Variants in SORCS1 observed in about 807,000 individuals in gnomAD.
The protein encoded by SORCS1 is sortilin related VPS10 domain containing receptor 1.
SORCS1 carries 60 observed loss-of-function variants against 146.1 expected under a neutral mutation model. The ratio of observed to expected loss-of-function variants is 0.41; its 90% CI spans 0.33 to 0.51. The LOEUF is 0.51. Ranked by LOEUF, SORCS1 falls within the 20% of genes least tolerant of loss-of-function variation. The probability of loss-of-function intolerance (pLI) is 0.21; values close to 1 mark genes in which losing one functional copy is unlikely to be tolerated. For synonymous variants in SORCS1, 637 were observed against 584.0 expected (o/e 1.09, Z -1.31); for missense variants, 1,352 against 1,487.6 (o/e 0.91, Z 1.50).
At chr10:107,076,107 G>C (rs1385269717) in intron 1 of SORCS1, among the ~76,000 whole-genome samples, 2 of 152,058 alleles carry the variant, frequency 1.3e-5, no homozygotes, top group Admixed American at 1.3e-4. Context: ...CAGATCATGG[G>C]CTTCTGAGAG....
At chr10:106,880,994 G>C (rs757145136) in intron 2 of SORCS1, among the ~76,000 whole-genome samples, 33 of 149,048 alleles carry the variant, frequency 2.2e-4, no homozygotes, top group Admixed American at 1.4e-3. Flanking sequence ...GGAGAATGGC[G>C]TGAACCCAGG....
At chr10:106,687,793 G>C (rs762910955) in intron 10 of SORCS1, among the ~76,000 whole-genome samples, 1 of 152,098 alleles carries the variant, frequency 6.6e-6, no homozygotes, top group Admixed American at 6.5e-5. Context: ...ACACCTACAC[G>C]ACTCTGCATT....
intron 1 of SORCS1, among the ~76,000 whole-genome samples, chr10:107,149,345 T>C (rs1417710730): frequency 6.6e-6 from 1 of 152,074 alleles, no homozygotes; most frequent in Non-Finnish European, 1.5e-5. Flanking sequence ...AACACTGGAG[T>C]GGAATATTCT....
chr10:107,075,694 T>A (rs1363465340), intron 1 of SORCS1, among the ~76,000 whole-genome samples: 1 of 152,146 alleles, frequency 6.6e-6, no homozygotes, highest in East Asian at 1.9e-4. Context: ...AATAAATTTT[T>A]AAAAATATAT....
the SORCS1 span, among the ~76,000 whole-genome samples, chr10:107,180,078 A>G: frequency 2.0e-5 from 3 of 151,532 alleles, no homozygotes; most frequent in Non-Finnish European, 4.4e-5. Context: ...CACCATGCCT[A>G]TCTAACTTGT....
intron 1 of SORCS1, among the ~76,000 whole-genome samples, chr10:106,989,546 T>G (rs1445034150): frequency 6.6e-6 from 1 of 151,968 alleles, no homozygotes; most frequent in Non-Finnish European, 1.5e-5. Flanking sequence ...CTAATCCTCA[T>G]CCTCTCCCCC....
At chr10:107,078,609 T>C (rs1963079294) in intron 1 of SORCS1, among the ~76,000 whole-genome samples, 1 of 152,214 alleles carries the variant, frequency 6.6e-6, no homozygotes, top group Admixed American at 6.5e-5. Context: ...GTATCAGATC[T>C]TCTTTTCATT....
At chr10:107,093,149 G>T (rs2134323596) in intron 1 of SORCS1, among the ~76,000 whole-genome samples, 2 of 152,256 alleles carry the variant, frequency 1.3e-5, no homozygotes, top group Middle Eastern at 3.4e-3. Flanking sequence ...TGACTGCAGA[G>T]CCATGATTTT....
At chr10:106,971,713 T>A (rs1955794053) in intron 1 of SORCS1, among the ~76,000 whole-genome samples, 1 of 152,250 alleles carries the variant, frequency 6.6e-6, no homozygotes, top group African/African-American at 2.4e-5. Context: ...TTAGCTTTCA[T>A]GCACAGCTCT....
chr10:107,175,594 C>G, the SORCS1 span, among the ~76,000 whole-genome samples: 3 of 152,194 alleles, frequency 2.0e-5, no homozygotes, highest in East Asian at 1.9e-4. Context: ...TGCCACCATG[C>G]CTGGCTAATG....
chr10:107,153,370 T>G, intron 1 of SORCS1, among the ~76,000 whole-genome samples: 1 of 152,210 alleles, frequency 6.6e-6, no homozygotes, highest in East Asian at 1.9e-4. Context: ...ATTATGTATA[T>G]ATTTATATGT....
chr10:106,739,887 C>G (rs1589776732), intron 5 of SORCS1, among the ~76,000 whole-genome samples: 1 of 149,946 alleles, frequency 6.7e-6, no homozygotes, highest in African/African-American at 2.5e-5. Context: ...GGAGGCAGAG[C>G]TTGCAATGAG....
At chr10:107,165,584 A>T (rs1375837295), upstream of SORCS1, among the ~76,000 whole-genome samples, 1 of 152,226 alleles carries the variant, frequency 6.6e-6, no homozygotes, top group Admixed American at 6.5e-5. This position sits in a 1 kb window ranked among gnomAD's most constrained non-coding sequence, Gnocchi z 4.0. Context: ...TACGTGGCAC[A>T]GTACCCTACA....
Position 107,129,928 on chromosome 10 carries a change from T to A in SORCS1, c.558+34041A>T, listed in dbSNP as rs12260673. On this transcript the variant is annotated intron_variant, in intron 1 of 25. Transcript: ENST00000263054. ...GAGTTTCTGTGCTTGTTGATGTATG[T>A]TTATCCATTAGGAATGAAATCATGT... Among the ~76,000 whole-genome samples, 3 of 152,180 alleles carry A rather than the reference T, an allele frequency of 2.0e-5. 1 individual carries two copies. In the South Asian group the frequency reaches 6.2e-4, roughly 31 times the overall value.
intron 1 of SORCS1, among the ~76,000 whole-genome samples, chr10:107,004,783 A>C (rs1343399001): frequency 6.6e-6 from 1 of 151,984 alleles, no homozygotes; most frequent in Admixed American, 6.6e-5. Context: ...AAAATATAAA[A>C]CTTTTCATCT....
At chr10:107,065,771 G>A (rs193103834) in intron 1 of SORCS1, among the ~76,000 whole-genome samples, 3 of 152,114 alleles carry the variant, frequency 2.0e-5, no homozygotes, top group Admixed American at 6.5e-5. Flanking sequence ...ACTGGCCTCC[G>A]CCTCCCAAAG....
intron 8 of SORCS1, among the ~76,000 whole-genome samples, chr10:106,705,312 C>T (rs996732227): frequency 2.0e-5 from 3 of 152,130 alleles, no homozygotes; most frequent in Non-Finnish European, 4.4e-5. Context: ...TTACATCCCA[C>T]CTTTCACTAC....
chr10:106,600,276 T>G, intron 23 of SORCS1: 1 of 938,600 alleles, frequency 1.1e-6, no homozygotes, highest in Non-Finnish European at 1.3e-6. Flanking sequence ...TGGCTCTATC[T>G]GTGTCACTTA....
At chr10:107,136,117 GA>G (rs879296392) in intron 1 of SORCS1, among the ~76,000 whole-genome samples, 134 of 146,454 alleles carry the variant, frequency 9.1e-4, no homozygotes, top group African/African-American at 3.0e-3. Flanking sequence ...TGCAGTTGTA[GA>G]AAAAAAAAAT....
Sources: allele counts gnomAD v4.1 joint callset (sites outside exome capture counted in the v4.1 genomes callset), GRCh38; gene constraint gnomAD v4.1.1; non-coding constraint Gnocchi (gnomAD v3.1); transcripts MANE v1.5; gene names NCBI Gene and HGNC (gene_info 2026-07-23, HGNC 2026-07-21).